The following LMO3 variants were observed in gnomAD, a reference collection of about 807,000 sequenced individuals.
The protein encoded by LMO3 is LIM domain only 3.
Under a neutral mutation model 15.8 loss-of-function variants are expected in LMO3, and 2 were observed. The observed-to-expected ratio is 0.13, with a 90% confidence interval of 0.05 to 0.40. LMO3 has a LOEUF of 0.40. Among genes scored for constraint, LMO3 ranks in the 10% least tolerant of loss-of-function variants. The pLI is 0.99. For missense variants in LMO3, 86 were observed against 182.2 expected (o/e 0.47, Z 3.04); for synonymous variants, 62 against 63.8 (o/e 0.97, Z 0.13).
chr12:16,601,825 T>C (rs901058469), intron 1 of LMO3: 2 of 152,186 alleles, frequency 1.3e-5, no homozygotes, highest in African/African-American at 4.8e-5. Flanking sequence ...TACAGTTTGA[T>C]TGAAATCTTT....
intron 2 of LMO3, among the ~76,000 whole-genome samples, chr12:16,569,137 G>A (rs144484158): frequency 6.6e-6 from 1 of 152,228 alleles, no homozygotes; most frequent in East Asian, 1.9e-4. Flanking sequence ...AGAAAAATGG[G>A]TTGACGCTTG....
In LMO3 at chr12:16,560,346, C is replaced by T. The variant is rs1453353147; in HGVS notation, c.332+67G>A. The T allele has an allele frequency of 1.1e-5, 17 of 1,498,918 alleles. No homozygotes were observed. Among genetic ancestry groups the T allele is most frequent in the Middle Eastern group, 1.8e-4 (1 of 5,658 alleles). The allele number at this position is 1,498,918 out of a possible 1,614,324, so 92.9% of individuals were successfully genotyped here. A position where few individuals can be genotyped will look rare whatever the true frequency, so the allele number is the denominator to read the frequency against. ...TTAAATGTATGAATATAATTTCCACCTATTAAATAAATAGCCAGCACAGAG... is the reference window on the plus strand; with the variant it reads ...TTAAATGTATGAATATAATTTCCACTTATTAAATAAATAGCCAGCACAGAG... On this transcript the variant is annotated intron_variant, in intron 3 of 3. Coordinates refer to ENST00000537304, the MANE Select transcript of LMO3 (RefSeq NM_018640.5). This position sits in a 1 kb window ranked among gnomAD's most constrained non-coding sequence, Gnocchi z 5.0.
At position 16,597,714 on chromosome 12, in the gene LMO3, G is replaced by A. The variant is rs1169102261; in HGVS notation, c.206+2941C>T. Reference sequence around the variant, plus strand: ...AAATATAAATATGTAAGTTATTTATGTTCAGTTTGGTGCCTCAGAGAAATT... The same window carrying A: ...AAATATAAATATGTAAGTTATTTATATTCAGTTTGGTGCCTCAGAGAAATT... On this transcript the variant is annotated intron_variant, in intron 2 of 3. Transcript: ENST00000537304. The surrounding 1 kb of genome is among the most constrained non-coding windows in gnomAD (Gnocchi z 5.0). The A allele has an allele frequency of 6.6e-6, 1 of 151,738 alleles. No individual in the cohort carries two copies. Among genetic ancestry groups the A allele is most frequent in the Non-Finnish European group, 1.5e-5 (1 of 67,788 alleles). 9.4% of individuals were successfully genotyped at this position (151,738 alleles called of 1,614,324 possible).
intron 2 of LMO3, among the ~76,000 whole-genome samples, chr12:16,594,898 G>A (rs1943601453): frequency 6.6e-6 from 1 of 151,568 alleles, no homozygotes; most frequent in East Asian, 1.9e-4. Context: ...AGTTAATGGT[G>A]AGTTTATAAA....
rs1052994247 is a variant in LMO3 at position 16,603,856 on chromosome 12, T to C, written c.-9+2210A>G. On this transcript the variant is annotated intron_variant, in intron 1 of 3. Coordinates refer to ENST00000537304, the MANE Select transcript of LMO3 (RefSeq NM_018640.5). The surrounding 1 kb of genome is among the most constrained non-coding windows in gnomAD (Gnocchi z 4.9). ...AGGGGTTTAAAAAAAATAATAATAA[T>C]GAAAGATTTGCAGCACTTAGACACA... Among the ~76,000 whole-genome samples, 5 of 152,064 alleles carry C rather than the reference T, an allele frequency of 3.3e-5. No homozygotes were observed. Among genetic ancestry groups the C allele is most frequent in the African/African-American group, 9.7e-5 (4 of 41,392 alleles).
intron 3 of LMO3, among the ~76,000 whole-genome samples, chr12:16,553,270 G>T (rs1942060601): frequency 6.6e-6 from 1 of 152,104 alleles, no homozygotes; most frequent in South Asian, 2.1e-4. Flanking sequence ...AGTAAAGGAA[G>T]AAAAATAACC....
intron 2 of LMO3, among the ~76,000 whole-genome samples, chr12:16,561,868 A>C (rs1172490368): frequency 6.6e-6 from 1 of 152,234 alleles, no homozygotes; most frequent in African/African-American, 2.4e-5. Flanking sequence ...GAAACAATAA[A>C]TGCATTTTAA....
In LMO3 at chr12:16,604,949, T is replaced by G; in HGVS notation, c.-9+1117A>C. The G allele has an allele frequency of 1.9e-6, 3 of 1,598,230 alleles. No homozygotes were observed. Among genetic ancestry groups the G allele is most frequent in the Non-Finnish European group, 2.5e-6 (3 of 1,179,734 alleles). On this transcript the variant is annotated intron_variant, in intron 1 of 3. Coordinates refer to ENST00000537304, the MANE Select transcript of LMO3 (RefSeq NM_018640.5). This position sits in a 1 kb window ranked among gnomAD's most constrained non-coding sequence, Gnocchi z 5.3. ...TCGCATTGAGCACCAAACCCAAAGG[T>G]AGAAGTAGAAGGGGGTCTCCTTGAT... is the stretch of plus-strand genomic sequence containing the variant.
At chr12:16,609,265 C>A (rs1301436123), upstream of LMO3, 1 of 152,108 alleles carries the variant, frequency 6.6e-6, no homozygotes, top group East Asian at 1.9e-4. Context: ...CGAAAAACAC[C>A]ATTAACCCTC....
chr12:16,550,803 G>A lies in LMO3; in HGVS notation c.*419C>T, dbSNP rs1941959802. 6.5e-6 allele frequency: 1 copy of A among 154,756 alleles called. No homozygotes were observed. Among genetic ancestry groups the A allele is most frequent in the African/African-American group, 2.4e-5 (1 of 41,450 alleles). The allele number at this position is 154,756 out of a possible 1,614,324, so 9.6% of individuals were successfully genotyped here. ...TTAAAATAGCTGGTAAATACAGAAAGCATAAATATACAGTAAGTTTAAACA... is the reference window on the plus strand; with the variant it reads ...TTAAAATAGCTGGTAAATACAGAAAACATAAATATACAGTAAGTTTAAACA... On this transcript the variant is annotated 3_prime_UTR_variant, in exon 4 of 4. Transcript: ENST00000537304.
rs1943728923 is a variant in LMO3, at chr12:16,598,567, T to C, written c.206+2088A>G. ...TTAACCACCATTAAAAGTTTGAGCC[T>C]ATCAGGAGGTAACTGAAAGTTATTC... On this transcript the variant is annotated intron_variant, in intron 2 of 3. Transcript: ENST00000537304. This position sits in a 1 kb window ranked among gnomAD's most constrained non-coding sequence, Gnocchi z 4.3. 1 of 152,176 alleles carries C rather than the reference T, an allele frequency of 6.6e-6. No homozygotes were observed. Among genetic ancestry groups the C allele is most frequent in the African/African-American group, 2.4e-5 (1 of 41,460 alleles). The allele number at this position is 152,176 out of a possible 1,614,324, so 9.4% of individuals were successfully genotyped here.
Position 16,555,198 on chromosome 12 carries a change from CCTTTA to C in LMO3, c.333-3876_333-3872del, listed in dbSNP as rs1344752482. ...TTATTTGGTAATGATAATCTTTTCACCTTTACTTAAGTTGTTCCCTAGCAAGAAAT... is the reference window on the plus strand; with the variant it reads ...TTATTTGGTAATGATAATCTTTTCACCTTAAGTTGTTCCCTAGCAAGAAAT... On this transcript the variant is annotated intron_variant, in intron 3 of 3. Transcript: ENST00000537304. This position sits in a 1 kb window ranked among gnomAD's most constrained non-coding sequence, Gnocchi z 5.5. Among the ~76,000 whole-genome samples the C allele has an allele frequency of 3.9e-5, 6 of 152,078 alleles. No homozygotes were observed. Among genetic ancestry groups the C allele is most frequent in the East Asian group, 1.9e-4 (1 of 5,198 alleles).
In LMO3 at chr12:16,566,973, G is replaced by T. The variant is rs139020120; in HGVS notation, c.207-6435C>A. Among the ~76,000 whole-genome samples, 1,308 of 152,140 alleles carry T rather than the reference G, an allele frequency of 8.6e-3. 8 individuals are homozygous for T. Among genetic ancestry groups the T allele is most frequent in the Non-Finnish European group, 0.015 (1,019 of 67,988 alleles). On this transcript the variant is annotated intron_variant, in intron 2 of 3. Transcript: ENST00000537304. Reference sequence around the variant, plus strand: ...TATATATGTTAAAAACTACAACTTGGCACTTGAGGTCAGGAGTTCGGGACC... The same window carrying T: ...TATATATGTTAAAAACTACAACTTGTCACTTGAGGTCAGGAGTTCGGGACC...
chr12:16,580,384 A>AT (rs1222071169), intron 2 of LMO3, among the ~76,000 whole-genome samples: 3 of 152,220 alleles, frequency 2.0e-5, no homozygotes, highest in Non-Finnish European at 2.9e-5. Context: ...TAGGTGAAAA[A>AT]TTTTAGAGGA....
intron 2 of LMO3, among the ~76,000 whole-genome samples, chr12:16,571,218 AGT>A (rs1348925049): frequency 6.6e-6 from 1 of 152,076 alleles, no homozygotes; most frequent in Non-Finnish European, 1.5e-5. Context: ...GGATGCAAAA[AGT>A]GTTATCACAG....
rs1004845034 is a variant in LMO3 at position 16,549,312 on chromosome 12, T to G, written c.*1910A>C. 1.3e-5 allele frequency: 2 copies of G among 152,172 alleles called. No individual in the cohort carries two copies. The highest frequency in any genetic ancestry group is 6.6e-5 in the Admixed American group (1 of 15,260). The allele number at this position is 152,172 out of a possible 1,614,324, so 9.4% of individuals were successfully genotyped here. A position where few individuals can be genotyped will look rare whatever the true frequency, so the allele number is the denominator to read the frequency against. On this transcript the variant is annotated 3_prime_UTR_variant, in exon 4 of 4. Transcript: ENST00000537304. ...CCCAAATAGCTACTTTTGAATTTCT[T>G]TCTTTAGTATATCTCAAATCTGGGG...
intron 2 of LMO3, among the ~76,000 whole-genome samples, chr12:16,574,492 A>G (rs1010559739): frequency 1.3e-5 from 2 of 152,160 alleles, no homozygotes; most frequent in African/African-American, 2.4e-5. Flanking sequence ...GGCTGATATT[A>G]CTTGGTATTT....
chr12:16,583,645 A>C (rs576300491), intron 2 of LMO3, among the ~76,000 whole-genome samples: 104 of 152,346 alleles, frequency 6.8e-4, no homozygotes, highest in African/African-American at 2.3e-3. Flanking sequence ...CTGATAAAAA[A>C]CATCAGGGAA....
At chr12:16,571,244 T>C (rs1282071709) in intron 2 of LMO3, among the ~76,000 whole-genome samples, 3 of 152,130 alleles carry the variant, frequency 2.0e-5, no homozygotes, top group Non-Finnish European at 4.4e-5. Flanking sequence ...TTCATCCTTG[T>C]ATTTAACTAA....
Sources: gnomAD v4.1 joint callset for allele counts (sites outside exome capture counted in the v4.1 genomes callset) on GRCh38, gnomAD v4.1.1 for gene constraint, Gnocchi (gnomAD v3.1) non-coding constraint, MANE v1.5 for transcripts, NCBI Gene and HGNC (gene_info 2026-07-23, HGNC 2026-07-21) for gene names.